RPL5: variants seen among roughly 807,000 people sequenced by gnomAD.
RPL5 encodes the protein ribosomal protein L5, also known as large ribosomal subunit protein uL18.
In RPL5, 1 loss-of-function variant was observed where a neutral mutation model predicts 38.4. The ratio of observed to expected loss-of-function variants is 0.03; its 90% CI spans 0.01 to 0.12. RPL5 has a LOEUF of 0.12. Among genes scored for constraint, RPL5 ranks in the 10% least tolerant of loss-of-function variants. The probability of loss-of-function intolerance (pLI) is 1.00; values close to 1 mark genes in which losing one functional copy is unlikely to be tolerated. For missense variants in RPL5, 243 were observed against 374.1 expected, an observed-to-expected ratio of 0.65 and a Z score of 2.89; for synonymous variants, 109 against 121.2, an observed-to-expected ratio of 0.90 and a Z score of 0.66.
Position 92,841,123 on chromosome 1 carries a change from G to C in RPL5, c.794+484G>C, listed in dbSNP as rs140598365. Among the ~76,000 whole-genome samples, 383 of 152,214 alleles carry C rather than the reference G, an allele frequency of 2.5e-3. 8 individuals are homozygous for C. In the East Asian group the frequency reaches 0.025, roughly 10 times the overall value. The stretch of plus-strand genomic sequence containing the variant: ...TCTATATTCATCATGCTGTGCAATA[G>C]AACTAAAAACAAAATCATACTCCTC... On this transcript the variant is annotated intron_variant, in intron 7 of 7. Coordinates refer to ENST00000370321, the MANE Select transcript of RPL5 (RefSeq NM_000969.5).
chr1:92,832,970 GGCATCACTGA>G (rs778009669), intron 1 of RPL5: 96 of 725,168 alleles, frequency 1.3e-4, no homozygotes, highest in East Asian at 6.6e-4. Flanking sequence ...ACCGACGTTT[GGCATCACTGA>G]TTGCTGTCTG....
At chr1:92,841,621 A>C (rs1262361312) in intron 7 of RPL5, 145 bp from the exon 8 acceptor site, 1 of 486,454 alleles carries the variant, frequency 2.1e-6, no homozygotes, top group Non-Finnish European at 3.5e-6. Context: ...ACATAAGTAA[A>C]TGTATTTGAA....
intron 4 of RPL5, among the ~76,000 whole-genome samples, chr1:92,835,537 G>A (rs1442474814): frequency 6.6e-6 from 1 of 151,490 alleles, no homozygotes; most frequent in Non-Finnish European, 1.5e-5. Context: ...GTGTGTGTCT[G>A]TAGTCCCAAC....
chr1:92,838,125 G>A (rs928456528), intron 6 of RPL5, among the ~76,000 whole-genome samples: 2 of 152,160 alleles, frequency 1.3e-5, no homozygotes, highest in Non-Finnish European at 2.9e-5. Flanking sequence ...TCCTGACCCA[G>A]GTTCTTTTTC....
rs189162117 is a variant in RPL5 at position 92,839,027 on chromosome 1, G to A, written c.705+1394G>A. Among the ~76,000 whole-genome samples the A allele has an allele frequency of 7.5e-3, 1,075 of 143,138 alleles. 5 individuals carry two copies. The highest frequency in any genetic ancestry group is 0.013 in the Admixed American group (180 of 13,888). 93.9% of individuals were successfully genotyped at this position (143,138 alleles called of 152,430 possible). The stretch of plus-strand genomic sequence containing the variant: ...ATAATTATTAGATATTCAGAGAGTT[G>A]CAGCTTTTTTTTTTTTTTTTTTTCA... On this transcript the variant is annotated intron_variant, in intron 6 of 7. Coordinates refer to ENST00000370321, the MANE Select transcript of RPL5 (RefSeq NM_000969.5).
At chr1:92,841,109 C>T (rs1687346823) in intron 7 of RPL5, among the ~76,000 whole-genome samples, 1 of 152,216 alleles carries the variant, frequency 6.6e-6, no homozygotes, top group African/African-American at 2.4e-5. Flanking sequence ...CTATATTCAT[C>T]ATGCTGTGCA....
intron 6 of RPL5, among the ~76,000 whole-genome samples, chr1:92,838,471 C>A (rs1184066282): frequency 6.6e-6 from 1 of 152,222 alleles, no homozygotes; most frequent in African/African-American, 2.4e-5. Context: ...TTGCTCAGAA[C>A]TTTTCAGACT....
chr1:92,835,089 C>G (rs781054010), intron 4 of RPL5, 176 bp downstream of exon 4: 25 of 872,194 alleles, frequency 2.9e-5, no homozygotes, highest in Non-Finnish European at 4.1e-5. Context: ...ATAAAATTTT[C>G]TGCAATGACA....
chr1:92,840,246 A>T (rs921782216), intron 6 of RPL5: 1 of 350,202 alleles, frequency 2.9e-6, no homozygotes, highest in Non-Finnish European at 5.4e-6. Context: ...CCTGGGCTGA[A>T]GTGATCCTCC....
rs1171190400 is a variant in RPL5, at chr1:92,837,359, G to T, written c.528-97G>T. The T allele has an allele frequency of 2.9e-6, 3 of 1,049,326 alleles. No individual in the cohort carries two copies. The South Asian group carries it at 3.8e-5, about 13-fold the overall frequency. 65.0% of individuals were successfully genotyped at this position (1,049,326 alleles called of 1,614,324 possible). On this transcript the variant is annotated intron_variant, in intron 5 of 7. Coordinates refer to ENST00000370321, the MANE Select transcript of RPL5 (RefSeq NM_000969.5). ...TTTGGTTGCATATGATGCGATAATT[G>T]TTTCAAGACGGGACTGATGGCAGCT...
At chr1:92,837,285 AGCT>A in intron 5 of RPL5, 168 bp from the exon 6 acceptor site, 1 of 778,692 alleles carries the variant, frequency 1.3e-6, no homozygotes, top group African/African-American at 1.7e-5. Context: ...TTCAGAGATG[AGCT>A]GCTGAATGAT....
intron 4 of RPL5, 144 bp from the exon 5 acceptor site, chr1:92,836,046 C>A: frequency 1.4e-6 from 1 of 715,476 alleles, no homozygotes; most frequent in Non-Finnish European, 2.5e-6. Context: ...AATTCATGAG[C>A]AAGTGGATCT....
chr1:92,841,676 T>C, intron 7 of RPL5, 90 bp from the exon 8 acceptor site: 1 of 775,680 alleles, frequency 1.3e-6, no homozygotes. Context: ...AAATATTCTC[T>C]ATCAAAATTA....
intron 3 of RPL5, 136 bp from the exon 4 acceptor site, chr1:92,834,643 C>A: frequency 8.6e-7 from 1 of 1,156,586 alleles, no homozygotes; most frequent in Non-Finnish European, 1.3e-6. Context: ...ACTGGTAACC[C>A]AGCTAAGAGT....
intron 3 of RPL5, among the ~76,000 whole-genome samples, chr1:92,834,515 A>G (rs900607084): frequency 6.6e-6 from 1 of 152,218 alleles, no homozygotes; most frequent in Non-Finnish European, 1.5e-5. Flanking sequence ...CTCCGTACCC[A>G]AGTTCAGATA....
In RPL5 at chr1:92,841,913, G is replaced by A. The variant is rs1687382353; in HGVS notation, c.*48G>A. 1 of 1,367,188 alleles carries A rather than the reference G, an allele frequency of 7.3e-7. No individual in the cohort carries two copies. The highest frequency in any genetic ancestry group is 1.4e-5 in the African/African-American group (1 of 69,554). The allele number at this position is 1,367,188 out of a possible 1,614,324, so 84.7% of individuals were successfully genotyped here. On this transcript the variant is annotated 3_prime_UTR_variant, in exon 8 of 8. Transcript: ENST00000370321. Reference sequence around the variant, plus strand: ...TTTCAGATATAGATAATAAACTTATGAACAGCAACTATTTCTGTGTTAAGC... The same window carrying A: ...TTTCAGATATAGATAATAAACTTATAAACAGCAACTATTTCTGTGTTAAGC...
At chr1:92,833,104 AC>A (rs1338448603) in intron 1 of RPL5, 2 of 700,930 alleles carry the variant, frequency 2.9e-6, no homozygotes, top group Non-Finnish European at 5.2e-6. Flanking sequence ...ATAATTTTAT[AC>A]CTGTTAAATG....
chr1:92,840,616 C>G lies in RPL5; in HGVS notation c.771C>G (p.Pro257=). 6.2e-7 allele frequency: 1 copy of G among 1,610,446 alleles called. No individual in the cohort carries two copies. The highest frequency in any genetic ancestry group is 8.5e-7 in the Non-Finnish European group (1 of 1,179,610). ...IRENPVYEKK[P]KKEVKKKRWN... ...AGAATCCAGTCTATGAAAAGAAGCC[C>G]AAGAAAGAAGTTAAAAAGAAGAGGT... Residue 257 remains proline (P), a synonymous_variant, in exon 7 of 8, where the codon CCC becomes CCG. Transcript: ENST00000370321.
intron 4 of RPL5, among the ~76,000 whole-genome samples, chr1:92,835,606 GCTGAGATCACGC>G (rs1336168707): frequency 6.7e-6 from 1 of 148,174 alleles, no homozygotes; most frequent in South Asian, 2.1e-4. Flanking sequence ...GTTGCAGTGA[GCTGAGATCACGC>G]CATTGCACTC....
Sources: allele counts gnomAD v4.1 joint callset (sites outside exome capture counted in the v4.1 genomes callset), GRCh38; gene constraint gnomAD v4.1.1; transcripts MANE v1.5; gene names NCBI Gene and HGNC (gene_info 2026-07-23, HGNC 2026-07-21).